HIVEP3: variants seen among roughly 807,000 people sequenced by gnomAD.
The protein encoded by HIVEP3 is HIVEP zinc finger 3.
Under a neutral mutation model 152.8 loss-of-function variants are expected in HIVEP3, and 49 were observed. The ratio of observed to expected loss-of-function variants is 0.32; its 90% CI spans 0.26 to 0.41. The LOEUF (loss-of-function observed/expected upper bound fraction) is 0.41. Among genes scored for constraint, HIVEP3 ranks in the 10% least tolerant of loss-of-function variants. HIVEP3 has a pLI of 1.00. For synonymous variants in HIVEP3, 1,269 were observed against 1,289.0 expected (o/e 0.98, Z 0.33); for missense variants, 2,790 against 3,103.3 (o/e 0.90, Z 2.40).
At position 41,533,738 on chromosome 1, in the gene HIVEP3, C is replaced by A. The variant is rs1034842546; in HGVS notation, c.5208-8828G>T. Among the ~76,000 whole-genome samples the A allele has an allele frequency of 6.6e-6, 1 of 152,006 alleles. No individual in the cohort carries two copies. The highest frequency in any genetic ancestry group is 1.5e-5 in the Non-Finnish European group (1 of 68,008). Reference sequence around the variant, plus strand: ...CCCCTGCCAGCCTCCGACCTGCACTCTTCTCACCACACACCTTCCCCAGGT... The same window carrying A: ...CCCCTGCCAGCCTCCGACCTGCACTATTCTCACCACACACCTTCCCCAGGT... On this transcript the variant is annotated intron_variant, in intron 5 of 8. Transcript: ENST00000372583. The surrounding 1 kb of genome is among the most constrained non-coding windows in gnomAD (Gnocchi z 4.3).
intron 3 of HIVEP3, among the ~76,000 whole-genome samples, chr1:41,605,162 AGAGGGGAGGG>A (rs563875740): frequency 0.033 from 1,657 of 50,758 alleles, 19 homozygotes; most frequent in Non-Finnish European, 0.043. Context: ...GGAGGGGTGG[AGAGGGGAGGG>A]GAGGGGAGGG....
At chr1:41,888,034 G>C (rs1644373767) in intron 1 of HIVEP3, among the ~76,000 whole-genome samples, 1 of 145,916 alleles carries the variant, frequency 6.9e-6, no homozygotes, top group Admixed American at 6.9e-5. Context: ...AAGCCCAGCT[G>C]AACTTTTTTT....
chr1:41,527,074 A>G, intron 5 of HIVEP3, among the ~76,000 whole-genome samples: 1 of 48,128 alleles, frequency 2.1e-5, no homozygotes, highest in Non-Finnish European at 4.3e-5. Context: ...TCACATGCTC[A>G]TCCTCACACA....
intron 1 of HIVEP3, among the ~76,000 whole-genome samples, chr1:41,988,026 G>T (rs1326361705): frequency 6.6e-6 from 1 of 152,120 alleles, no homozygotes; most frequent in African/African-American, 2.4e-5. Context: ...ATGAGATTTG[G>T]GTGGGGACAC....
chr1:41,513,033 A>T lies in HIVEP3; in HGVS notation c.6188T>A (p.Leu2063His), dbSNP rs1558015640. The T allele has an allele frequency of 1.2e-6, 2 of 1,613,468 alleles. No homozygotes were observed. The highest frequency in any genetic ancestry group is 8.5e-7 in the Non-Finnish European group (1 of 1,179,712). The change falls in exon 8 of 9, where the codon CTC becomes CAC. Residue 2063 changes from leucine (L) to histidine (H), a missense_variant. Leu to His is a moderately conservative substitution (Grantham distance 99). Around this residue, in one of 9 missense-constraint regions of HIVEP3, gnomAD observed 816 missense variants for 806.5 expected, o/e 1.01. Transcript: ENST00000372583. ...TCTCCTGGTGGGCGAGTATCTGGGG[A>T]GGCCTGGGTCGGTGGTACCCTCGAG... ...SKLEGTTDPG[L>H]PRYSPTRRWS...
chr1:42,024,364 A>T (rs1645570739), intron 1 of HIVEP3, among the ~76,000 whole-genome samples: 1 of 151,164 alleles, frequency 6.6e-6, no homozygotes, highest in Non-Finnish European at 1.5e-5. Context: ...CTTTATTTTC[A>T]CTCTTTCTGT....
chr1:41,878,894 T>C (rs554420708), intron 1 of HIVEP3, among the ~76,000 whole-genome samples: 2 of 150,642 alleles, frequency 1.3e-5, no homozygotes, highest in South Asian at 4.3e-4. Context: ...TCCTTTTTTT[T>C]CCTACCTTTC....
chr1:41,510,122 G>A lies in HIVEP3; in HGVS notation c.*329C>T. 1 of 233,284 alleles carries A rather than the reference G, an allele frequency of 4.3e-6. No homozygotes were observed. The highest frequency in any genetic ancestry group is 8.2e-6 in the Non-Finnish European group (1 of 122,052). 14.5% of individuals were successfully genotyped at this position (233,284 alleles called of 1,614,324 possible). On this transcript the variant is annotated 3_prime_UTR_variant, in exon 9 of 9. Transcript: ENST00000372583. ...CCCTCTGCCAGCCTCTGGGGTGGGT[G>A]GCTGCCAACCACAGCGGGGAGGGTC... is the stretch of plus-strand genomic sequence containing the variant.
chr1:41,804,208 C>T (rs1650469543), intron 1 of HIVEP3, among the ~76,000 whole-genome samples: 1 of 152,246 alleles, frequency 6.6e-6, no homozygotes, highest in African/African-American at 2.4e-5. Context: ...CCTAACGACT[C>T]CACAAAGGTG....
intron 1 of HIVEP3, among the ~76,000 whole-genome samples, chr1:41,867,630 G>A (rs1048572515): frequency 2.6e-5 from 4 of 152,126 alleles, no homozygotes; most frequent in East Asian, 1.9e-4. Context: ...TGTCTCCCTC[G>A]TGCTTAACCT....
At chr1:41,709,616 T>G (rs1435339830) in intron 1 of HIVEP3, among the ~76,000 whole-genome samples, 1 of 151,936 alleles carries the variant, frequency 6.6e-6, no homozygotes. Flanking sequence ...GGGGTTTGGG[T>G]GGAATGGTGA....
chr1:41,597,191 C>A (rs528695969), intron 3 of HIVEP3, among the ~76,000 whole-genome samples: 1 of 152,256 alleles, frequency 6.6e-6, no homozygotes, highest in African/African-American at 2.4e-5. Context: ...ACGAGTTAGA[C>A]CCGGCTGGTA....
chr1:41,824,411 T>G (rs1232437153), intron 1 of HIVEP3, among the ~76,000 whole-genome samples: 1 of 152,084 alleles, frequency 6.6e-6, no homozygotes, highest in Non-Finnish European at 1.5e-5. Context: ...AATAATAACC[T>G]AGTCTAGTCA....
chr1:41,684,461 C>T (rs957385181), intron 2 of HIVEP3, among the ~76,000 whole-genome samples: 1 of 152,228 alleles, frequency 6.6e-6, no homozygotes, highest in African/African-American at 2.4e-5. Flanking sequence ...TGGTGCTGCC[C>T]TCCTGCTGGG....
At chr1:41,770,339 G>A (rs1255296603) in intron 1 of HIVEP3, among the ~76,000 whole-genome samples, 1 of 152,112 alleles carries the variant, frequency 6.6e-6, no homozygotes, top group East Asian at 1.9e-4. Context: ...ATTTTCTAAT[G>A]ACTGTGGTAG....
chr1:41,966,350 T>A (rs1432166983), intron 1 of HIVEP3, among the ~76,000 whole-genome samples: 1 of 152,124 alleles, frequency 6.6e-6, no homozygotes, highest in Admixed American at 6.5e-5. Flanking sequence ...GATAGCATCA[T>A]GATGACGGGA....
At chr1:41,733,898 A>T (rs1415779804) in intron 1 of HIVEP3, among the ~76,000 whole-genome samples, 1 of 151,926 alleles carries the variant, frequency 6.6e-6, no homozygotes, top group Non-Finnish European at 1.5e-5. Flanking sequence ...CAGCTCCTCC[A>T]GGTGTCCCAC....
intron 1 of HIVEP3, among the ~76,000 whole-genome samples, chr1:41,917,986 C>T (rs1252634103): frequency 6.6e-6 from 1 of 152,214 alleles, no homozygotes; most frequent in African/African-American, 2.4e-5. Context: ...TGCCACGGAA[C>T]GCGATGCCTA....
At chr1:41,751,323 C>CTTTTTTT (rs1426877286) in intron 1 of HIVEP3, among the ~76,000 whole-genome samples, 1 of 25,452 alleles carries the variant, frequency 3.9e-5, no homozygotes, top group African/African-American at 1.0e-4. Context: ...AACTGACACA[C>CTTTTTTT]ATTTTTTTTT....
Sources: allele counts gnomAD v4.1 joint callset (sites outside exome capture counted in the v4.1 genomes callset), GRCh38; gene constraint gnomAD v4.1.1; regional missense constraint gnomAD v4.1.1; non-coding constraint Gnocchi (gnomAD v3.1); transcripts MANE v1.5; gene names NCBI Gene and HGNC (gene_info 2026-07-23, HGNC 2026-07-21).